PMPCB: variants seen among roughly 807,000 people sequenced by gnomAD.
PMPCB encodes peptidase, mitochondrial processing subunit beta.
A neutral mutation model predicts 61.5 loss-of-function variants in PMPCB; 46 were observed. That is an observed-to-expected ratio of 0.75 (90% CI 0.59 to 0.96). The LOEUF (loss-of-function observed/expected upper bound fraction) is 0.96, where lower values mean the gene tolerates loss of function less well. PMPCB is among the 40% of genes least tolerant of loss of function. The pLI is 0.00. For synonymous variants in PMPCB, 191 were observed against 201.6 expected (o/e 0.95, Z 0.44); for missense variants, 590 against 602.4 (o/e 0.98, Z 0.22).
chr7:103,317,697 C>T (rs1414221086), downstream of PMPCB, among the ~76,000 whole-genome samples: 1 of 152,160 alleles, frequency 6.6e-6, no homozygotes, highest in Non-Finnish European at 1.5e-5. Flanking sequence ...GTCGCCCAGG[C>T]TGGAGTGCAG....
At chr7:103,322,749 T>C in intron 12 of PMPCB, 1 of 1,609,512 alleles carries the variant, frequency 6.2e-7, no homozygotes, top group South Asian at 1.1e-5. Flanking sequence ...TTCTTTGTGC[T>C]CTTGTTGCTC....
chr7:103,319,915 A>C, intron 12 of PMPCB: 1 of 1,534,464 alleles, frequency 6.5e-7, no homozygotes, highest in East Asian at 2.3e-5. Flanking sequence ...CAAAGCTGTA[A>C]TCCCAGCTAC....
At chr7:103,324,695 T>TTTTAATG in intron 12 of PMPCB, 1 of 906,952 alleles carries the variant, frequency 1.1e-6, no homozygotes, top group East Asian at 3.8e-5. Flanking sequence ...ACTCTACAAC[T>TTTTAATG]CGAAGATGGA....
At chr7:103,304,593 C>T (rs1332378441) in intron 6 of PMPCB, 103 bp downstream of exon 6, 5 of 781,068 alleles carry the variant, frequency 6.4e-6, no homozygotes, top group Middle Eastern at 4.7e-4. Context: ...TTTTCATTTA[C>T]ATAGCAAATA....
At chr7:103,334,870 G>C in the PMPCB span, among the ~76,000 whole-genome samples, 1 of 152,162 alleles carries the variant, frequency 6.6e-6, no homozygotes, top group Non-Finnish European at 1.5e-5. Flanking sequence ...GTTTCCCTCT[G>C]TCACCCAGGC....
exon 13 of PMPCB, chr7:103,329,049 C>CT: frequency 8.4e-7 from 1 of 1,192,464 alleles, no homozygotes; most frequent in African/African-American, 1.6e-5. Flanking sequence ...CACAGTACGT[C>CT]TAATTATTTA....
Position 103,313,227 on chromosome 7 carries a change from T to A in PMPCB, c.*956T>A, listed in dbSNP as rs1817855635. 1 of 1,449,104 alleles carries A rather than the reference T, an allele frequency of 6.9e-7. No homozygotes were observed. Among genetic ancestry groups the A allele is most frequent in the African/African-American group, 1.4e-5 (1 of 69,916 alleles). 89.8% of individuals were successfully genotyped at this position (1,449,104 alleles called of 1,614,324 possible). On this transcript the variant is annotated 3_prime_UTR_variant, in exon 13 of 13. Transcript: ENST00000249269. The stretch of plus-strand genomic sequence containing the variant: ...ATGTGTCATTTTGAAAATAAACTTG[T>A]AGAGATGAGAGATACATATAGCCCT...
chr7:103,306,188 C>T (rs1817570799), intron 6 of PMPCB, among the ~76,000 whole-genome samples: 1 of 151,794 alleles, frequency 6.6e-6, no homozygotes, highest in Non-Finnish European at 1.5e-5. Context: ...CTTTTATTTG[C>T]CAAATAGTTT....
chr7:103,311,648 G>A lies in PMPCB; in HGVS notation c.1160G>A (p.Arg387Gln), dbSNP rs778169897. The A allele has an allele frequency of 5.6e-6, 9 of 1,612,286 alleles. No individual in the cohort carries two copies. The highest frequency in any genetic ancestry group is 5.1e-6 in the Non-Finnish European group (6 of 1,179,052). Reference sequence around the variant, plus strand: ...TGTTTTTCCACGTTTTTTAGGATGCGACTCTGTACAAGTGTCACAGAAAGT... The same window carrying A: ...TGTTTTTCCACGTTTTTTAGGATGCAACTCTGTACAAGTGTCACAGAAAGT... ...MLHVVQKEWM[R>Q]LCTSVTESEV... The change falls in exon 10 of 13, where the codon CGA (arginine) becomes CAA (glutamine). Residue 387 changes from arginine (R) to glutamine (Q), a missense_variant. Transcript: ENST00000249269.
the PMPCB span, chr7:103,336,054 C>G: frequency 1.3e-5 from 2 of 152,342 alleles, no homozygotes; most frequent in African/African-American, 4.8e-5. Context: ...CTAATCCCAG[C>G]TACTCAAGAG....
the PMPCB span, among the ~76,000 whole-genome samples, chr7:103,343,228 T>C: frequency 6.6e-6 from 1 of 151,858 alleles, no homozygotes; most frequent in African/African-American, 2.4e-5. Context: ...CTCGAACTGC[T>C]GACCTCAGGT....
At chr7:103,344,701 C>G in the PMPCB span, 1 of 1,459,146 alleles carries the variant, frequency 6.9e-7, no homozygotes, top group Non-Finnish European at 9.5e-7. Context: ...TCCAGCTCTA[C>G]CTCTCACTCC....
chr7:103,325,122 A>G (rs1406887213), intron 12 of PMPCB, among the ~76,000 whole-genome samples: 1 of 152,058 alleles, frequency 6.6e-6, no homozygotes, highest in Non-Finnish European at 1.5e-5. Flanking sequence ...AAAATATACT[A>G]CTACTTTTTA....
chr7:103,324,470 A>G, intron 12 of PMPCB: 1 of 1,481,442 alleles, frequency 6.8e-7, no homozygotes, highest in Non-Finnish European at 9.1e-7. Context: ...TACAAACAGT[A>G]TATTCACTTA....
Position 103,314,225 on chromosome 7 carries a change from T to C in PMPCB, c.*1954T>C, listed in dbSNP as rs1817919751. ...TTTATTTCCTCTCTTGGAAAAAAGA[T>C]GGAAGTGACATGGCAGTATTTCCTG... On this transcript the variant is annotated 3_prime_UTR_variant, in exon 13 of 13. Transcript: ENST00000249269. The C allele has an allele frequency of 7.1e-6, 7 of 985,298 alleles. No individual in the cohort carries two copies. Among genetic ancestry groups the C allele is most frequent in the Non-Finnish European group, 7.2e-6 (6 of 829,918 alleles). 61.0% of individuals were successfully genotyped at this position (985,298 alleles called of 1,614,324 possible).
chr7:103,317,358 C>A (rs144042078), downstream of PMPCB: 481 of 215,614 alleles, frequency 2.2e-3, 3 homozygotes, highest in Non-Finnish European at 3.6e-3. Context: ...CATATTCACC[C>A]TTTCTGCAGA....
chr7:103,315,726 T>C (rs1216540805), downstream of PMPCB: 2 of 1,382,314 alleles, frequency 1.4e-6, no homozygotes, highest in Admixed American at 1.7e-5. Flanking sequence ...CACAGATACA[T>C]GGCTAGCATT....
At chr7:103,317,219 G>A, downstream of PMPCB, 1 of 516,402 alleles carries the variant, frequency 1.9e-6, no homozygotes, top group African/African-American at 1.9e-5. Context: ...ACCAAGAACT[G>A]CCCACAGCCT....
At chr7:103,302,463 A>G (rs1394493269) in intron 4 of PMPCB, among the ~76,000 whole-genome samples, 3 of 152,206 alleles carry the variant, frequency 2.0e-5, no homozygotes, top group Admixed American at 2.0e-4. Context: ...TAGACCACCA[A>G]TCCCACATAA....
Sources: gnomAD v4.1 joint callset for allele counts (sites outside exome capture counted in the v4.1 genomes callset) on GRCh38, gnomAD v4.1.1 for gene constraint, MANE v1.5 for transcripts, NCBI Gene and HGNC (gene_info 2026-07-23, HGNC 2026-07-21) for gene names.